The following EPB41L5 variants were observed in gnomAD, a reference collection of about 807,000 sequenced individuals.
The protein encoded by EPB41L5 is band 4.1-like protein 5.
A neutral mutation model predicts 106.6 loss-of-function variants in EPB41L5; 55 were observed. The ratio of observed to expected loss-of-function variants is 0.52; its 90% CI spans 0.42 to 0.65. The LOEUF is 0.65. EPB41L5 is among the 30% of genes least tolerant of loss of function. EPB41L5 has a pLI of 0.00. For missense variants in EPB41L5, 871 were observed against 882.1 expected, an observed-to-expected ratio of 0.99 and a Z score of 0.16; for synonymous variants, 297 against 306.7, an observed-to-expected ratio of 0.97 and a Z score of 0.33.
intron 2 of EPB41L5, among the ~76,000 whole-genome samples, chr2:120,019,999 CT>C (rs1166140456): frequency 2.0e-5 from 3 of 151,566 alleles, no homozygotes; most frequent in Admixed American, 6.6e-5. Context: ...TTTTACAGGA[CT>C]TTTTGGGTGG....
At chr2:120,148,303 AACTCCTTACCCTC>A (rs2105506834) in intron 20 of EPB41L5, among the ~76,000 whole-genome samples, 1 of 152,182 alleles carries the variant, frequency 6.6e-6, no homozygotes, top group South Asian at 2.1e-4. Flanking sequence ...TAGGTCTAGA[AACTCCTTACCCTC>A]ACTCCTTACC....
At chr2:120,026,947 A>G (rs1414701737) in intron 2 of EPB41L5, among the ~76,000 whole-genome samples, 1 of 152,248 alleles carries the variant, frequency 6.6e-6, no homozygotes, top group Non-Finnish European at 1.5e-5. Flanking sequence ...ACCAGCAAGC[A>G]CATGAAAAGA....
rs146525565 is a variant in EPB41L5 at position 120,167,981 on chromosome 2, G to A, written c.2109G>A (p.Ala703=). ...GAATCTCACTGATCTCTCCCCCAGC[G>A]CCATTCTTGGTAGATGCTGTGACCA... ...KDGISLISPP[A]PFLVDAVTSS... Residue 703 remains alanine, a synonymous_variant, in exon 24 of 25, where the codon GCG becomes GCA. Transcript: ENST00000263713. The A allele has an allele frequency of 1.5e-4, 241 of 1,613,948 alleles. No individual in the cohort carries two copies. Among genetic ancestry groups the A allele is most frequent in the South Asian group, 6.7e-4 (61 of 91,078 alleles).
chr2:120,140,017 A>C (rs551697351), intron 18 of EPB41L5, among the ~76,000 whole-genome samples: 1 of 152,116 alleles, frequency 6.6e-6, no homozygotes, highest in Non-Finnish European at 1.5e-5. Context: ...ATTTGCAACA[A>C]CATGGATGGA....
rs1269802338 is a variant in EPB41L5, at chr2:120,177,644, T to C, written c.*2737T>C. Reference sequence around the variant, plus strand: ...TGACACACAGGAGGTCATGGTCATTTCATTCCTACTCTTCAGGAGACACTG... The same window carrying C: ...TGACACACAGGAGGTCATGGTCATTCCATTCCTACTCTTCAGGAGACACTG... On this transcript the variant is annotated 3_prime_UTR_variant, in exon 25 of 25. Coordinates refer to ENST00000263713, the MANE Select transcript of EPB41L5 (RefSeq NM_020909.4). 6.6e-6 allele frequency: 1 copy of C among 152,262 alleles called. No individual in the cohort carries two copies. Among genetic ancestry groups the C allele is most frequent in the Non-Finnish European group, 1.5e-5 (1 of 68,046 alleles). The allele number at this position is 152,262 out of a possible 1,614,324, so 9.4% of individuals were successfully genotyped here.
chr2:120,095,477 G>T (rs1003829125), intron 14 of EPB41L5, among the ~76,000 whole-genome samples: 4 of 150,200 alleles, frequency 2.7e-5, no homozygotes, highest in African/African-American at 9.8e-5. Flanking sequence ...ACAGGTCTCT[G>T]AGTCTGTTCG....
intron 18 of EPB41L5, among the ~76,000 whole-genome samples, chr2:120,142,401 T>C (rs370899958): frequency 6.6e-6 from 1 of 152,146 alleles, no homozygotes; most frequent in South Asian, 2.1e-4. Flanking sequence ...TCAGTTTTTC[T>C]TGTTCTTTGA....
intron 3 of EPB41L5, among the ~76,000 whole-genome samples, chr2:120,044,420 C>T (rs1361309486): frequency 1.3e-5 from 2 of 152,000 alleles, no homozygotes; most frequent in African/African-American, 4.8e-5. Context: ...TCTTGGTTGC[C>T]TATTAATTTT....
chr2:120,122,908 T>G (rs1226245259), intron 16 of EPB41L5, among the ~76,000 whole-genome samples: 1 of 152,210 alleles, frequency 6.6e-6, no homozygotes, highest in Non-Finnish European at 1.5e-5. Flanking sequence ...ACCCAGGTAT[T>G]TTATTCTCTT....
At chr2:120,164,169 A>C (rs763782561) in intron 21 of EPB41L5, among the ~76,000 whole-genome samples, 2 of 151,360 alleles carry the variant, frequency 1.3e-5, no homozygotes, top group Admixed American at 1.3e-4. Flanking sequence ...TTTTTAGTAG[A>C]GACGGAGTTT....
At chr2:120,159,708 T>C (rs1380868751) in intron 20 of EPB41L5, among the ~76,000 whole-genome samples, 3 of 152,092 alleles carry the variant, frequency 2.0e-5, no homozygotes, top group Non-Finnish European at 2.9e-5. Context: ...AACAGACACA[T>C]AGACCAATGG....
chr2:120,082,118 T>C lies in EPB41L5; in HGVS notation c.803+3537T>C, dbSNP rs1191378400. On this transcript the variant is annotated intron_variant, in intron 10 of 24. Coordinates refer to ENST00000263713, the MANE Select transcript of EPB41L5 (RefSeq NM_020909.4). The stretch of plus-strand genomic sequence containing the variant: ...GCCTTTATTTCTTTCTCCTGCCTGA[T>C]TGCCCTGGCCAGAACTTCCAACACT... Among the ~76,000 whole-genome samples, 4 of 152,194 alleles carry C rather than the reference T, an allele frequency of 2.6e-5. No homozygotes were observed. The East Asian group carries it at 5.8e-4, about 22-fold the overall frequency.
intron 1 of EPB41L5, among the ~76,000 whole-genome samples, chr2:120,014,323 A>C (rs1224931095): frequency 6.6e-6 from 1 of 152,192 alleles, no homozygotes; most frequent in Non-Finnish European, 1.5e-5. Flanking sequence ...GAACTAGAGT[A>C]GAAACTACTG....
At chr2:120,130,555 A>T (rs574287875) in intron 17 of EPB41L5, among the ~76,000 whole-genome samples, 39 of 152,400 alleles carry the variant, frequency 2.6e-4, no homozygotes, top group Non-Finnish European at 4.7e-4. Flanking sequence ...AATTTGAAGC[A>T]TAATAAAACC....
intron 10 of EPB41L5, among the ~76,000 whole-genome samples, chr2:120,083,637 G>A (rs1435927319): frequency 6.6e-6 from 1 of 152,190 alleles, no homozygotes; most frequent in Middle Eastern, 3.2e-3. Context: ...ATGCAGAGCT[G>A]AGTTCAATTC....
intron 24 of EPB41L5, among the ~76,000 whole-genome samples, chr2:120,174,203 C>T (rs112289321): frequency 4.3e-4 from 65 of 152,228 alleles, no homozygotes; most frequent in African/African-American, 1.5e-3. Context: ...TGCCTGTAAT[C>T]GCAGCACTTT....
intron 20 of EPB41L5, among the ~76,000 whole-genome samples, chr2:120,159,191 G>C (rs541562376): frequency 6.6e-6 from 1 of 151,450 alleles, no homozygotes; most frequent in East Asian, 1.9e-4. Flanking sequence ...TTGGGAGGCC[G>C]AGGCGGGTGG....
chr2:120,065,005 T>C (rs978727139), intron 3 of EPB41L5, among the ~76,000 whole-genome samples: 1 of 152,218 alleles, frequency 6.6e-6, no homozygotes, highest in African/African-American at 2.4e-5. Flanking sequence ...TTTTGGGTCA[T>C]CTTAAGGGAG....
chr2:120,123,120 A>G (rs1258842699), intron 16 of EPB41L5, among the ~76,000 whole-genome samples: 3 of 152,066 alleles, frequency 2.0e-5, no homozygotes, highest in African/African-American at 7.2e-5. Context: ...AGATATTTCT[A>G]ATTCTTCCCT....
Sources: gnomAD v4.1 joint callset for allele counts (sites outside exome capture counted in the v4.1 genomes callset) on GRCh38, gnomAD v4.1.1 for gene constraint, MANE v1.5 for transcripts, NCBI Gene and HGNC (gene_info 2026-07-23, HGNC 2026-07-21) for gene names.